Variants in TSNARE1 observed in about 807,000 individuals in gnomAD.
TSNARE1 encodes the protein t-SNARE domain containing 1, also known as t-SNARE domain-containing protein 1.
TSNARE1 carries 49 observed loss-of-function variants against 62.0 expected under a neutral mutation model. The ratio of observed to expected loss-of-function variants is 0.79; its 90% CI spans 0.63 to 1.00. TSNARE1 has a LOEUF of 1.00. Among genes scored for constraint, TSNARE1 ranks in the 50% least tolerant of loss-of-function variants. The pLI is 0.00. For synonymous variants in TSNARE1, 328 were observed against 294.4 expected (o/e 1.11, Z -1.17); for missense variants, 755 against 700.1 (o/e 1.08, Z -0.88).
chr8:142,306,076 C>A (rs1171917720), intron 9 of TSNARE1, among the ~76,000 whole-genome samples: 1 of 152,230 alleles, frequency 6.6e-6, no homozygotes, highest in Non-Finnish European at 1.5e-5. Flanking sequence ...GTGGTGGTGT[C>A]TTTTCAGGAG....
At chr8:142,250,537 C>T (rs1482325282) in intron 12 of TSNARE1, among the ~76,000 whole-genome samples, 2 of 152,232 alleles carry the variant, frequency 1.3e-5, no homozygotes, top group Admixed American at 1.3e-4. Context: ...GGAGCAGGTT[C>T]CAGGCCCGAT....
chr8:142,233,686 C>T (rs1405552440), intron 12 of TSNARE1, among the ~76,000 whole-genome samples: 1 of 152,208 alleles, frequency 6.6e-6, no homozygotes, highest in Non-Finnish European at 1.5e-5. Context: ...TGCCTCTTGC[C>T]CCCAGCGGGA....
At chr8:142,346,786 A>G (rs1833428095) in intron 2 of TSNARE1, among the ~76,000 whole-genome samples, 1 of 152,254 alleles carries the variant, frequency 6.6e-6, no homozygotes, top group South Asian at 2.1e-4. Context: ...CGCCTGAAGC[A>G]GCAGCTCTTG....
intron 4 of TSNARE1, among the ~76,000 whole-genome samples, chr8:142,338,310 A>C (rs1832058135): frequency 1.3e-5 from 2 of 152,222 alleles, no homozygotes; most frequent in South Asian, 4.1e-4. Flanking sequence ...TGGGATTACA[A>C]GGGTCTGGGT....
chr8:142,307,904 T>C (rs1033307178), intron 9 of TSNARE1, among the ~76,000 whole-genome samples: 3 of 152,366 alleles, frequency 2.0e-5, no homozygotes, highest in Admixed American at 2.0e-4. Flanking sequence ...TTTTCACTCA[T>C]GTTTGCTCTA....
chr8:142,310,841 T>C (rs1000251679), intron 9 of TSNARE1, among the ~76,000 whole-genome samples: 29 of 152,108 alleles, frequency 1.9e-4, no homozygotes, highest in African/African-American at 6.5e-4. Context: ...ACCAAGGGTG[T>C]TTTTGCTTGT....
At chr8:142,331,891 C>T in intron 4 of TSNARE1, 60 bp from the exon 5 acceptor site, 3 of 1,498,468 alleles carry the variant, frequency 2.0e-6, no homozygotes, top group South Asian at 2.4e-5. Flanking sequence ...GCAGGCCCAG[C>T]TCTGCTAACC....
chr8:142,224,803 G>A (rs144289651), intron 13 of TSNARE1, among the ~76,000 whole-genome samples: 1 of 152,272 alleles, frequency 6.6e-6, no homozygotes, highest in Non-Finnish European at 1.5e-5. Flanking sequence ...GTCCAGACCA[G>A]GTGCCTGTGG....
At chr8:142,382,071 C>T (rs968985065) in intron 1 of TSNARE1, among the ~76,000 whole-genome samples, 2 of 152,202 alleles carry the variant, frequency 1.3e-5, no homozygotes, top group African/African-American at 2.4e-5. Flanking sequence ...CGCGCCCCTG[C>T]CAGCATCAGC....
intron 10 of TSNARE1, among the ~76,000 whole-genome samples, chr8:142,289,537 T>A (rs116110259): frequency 0.011 from 1,602 of 152,162 alleles, 28 homozygotes; most frequent in African/African-American, 0.035. Flanking sequence ...TCCTGCCACA[T>A]CAGCCACACG....
chr8:142,274,421 C>T (rs1227747655), intron 12 of TSNARE1: 1 of 985,498 alleles, frequency 1.0e-6, no homozygotes, highest in African/African-American at 1.7e-5. Context: ...TCTGCAGTTC[C>T]CCGCCCCAGT....
At chr8:142,302,237 C>G (rs1825906406) in intron 9 of TSNARE1, among the ~76,000 whole-genome samples, 1 of 152,082 alleles carries the variant, frequency 6.6e-6, no homozygotes, top group South Asian at 2.1e-4. Context: ...TTCCCCTCAG[C>G]TTCACTCATG....
At chr8:142,275,124 A>G in intron 11 of TSNARE1, 5 of 985,422 alleles carry the variant, frequency 5.1e-6, no homozygotes, top group Non-Finnish European at 6.0e-6. Flanking sequence ...TGGGGCAGGA[A>G]GAGTCCACTC....
intron 2 of TSNARE1, among the ~76,000 whole-genome samples, chr8:142,348,863 C>A (rs890459293): frequency 1.4e-4 from 22 of 152,240 alleles, no homozygotes; most frequent in African/African-American, 5.1e-4. Context: ...TGGCTTTTTG[C>A]TGCCTCTGTC....
At chr8:142,229,645 G>A in intron 12 of TSNARE1, 66 bp from the exon 13 acceptor site, 17 of 1,488,090 alleles carry the variant, frequency 1.1e-5, no homozygotes, top group Middle Eastern at 1.7e-4. Flanking sequence ...AGGGGCATTT[G>A]GCTTGTGCAT....
chr8:142,223,950 G>GTCTTGTA, intron 13 of TSNARE1, among the ~76,000 whole-genome samples: 3 of 4,376 alleles, frequency 6.9e-4, no homozygotes, highest in Admixed American at 2.2e-3. Flanking sequence ...CCCAGGGGAG[G>GTCTTGTA]GCTTTCTGCC....
At chr8:142,259,775 C>T (rs1818763946) in intron 12 of TSNARE1, among the ~76,000 whole-genome samples, 2 of 152,228 alleles carry the variant, frequency 1.3e-5, no homozygotes, top group Non-Finnish European at 2.9e-5. Flanking sequence ...TGGCTGCTCC[C>T]AGCTCTCAGG....
chr8:142,230,821 C>T (rs1219467666), intron 12 of TSNARE1, among the ~76,000 whole-genome samples: 1 of 151,934 alleles, frequency 6.6e-6, no homozygotes, highest in Non-Finnish European at 1.5e-5. Context: ...CTCATCCATC[C>T]ATCCACCCAC....
chr8:142,238,611 C>T (rs1817547193), intron 12 of TSNARE1, among the ~76,000 whole-genome samples: 2 of 151,976 alleles, frequency 1.3e-5, no homozygotes, highest in African/African-American at 4.8e-5. Flanking sequence ...CCACGCCATT[C>T]TCCAGCCAGA....
Sources: gnomAD v4.1 joint callset for allele counts (sites outside exome capture counted in the v4.1 genomes callset) on GRCh38, gnomAD v4.1.1 for gene constraint, MANE v1.5 for transcripts, NCBI Gene and HGNC (gene_info 2026-07-23, HGNC 2026-07-21) for gene names.